ADGRA1: variants seen among roughly 807,000 people sequenced by gnomAD.
The protein encoded by ADGRA1 is adhesion G protein-coupled receptor A1.
Under a neutral mutation model 21.3 loss-of-function variants are expected in ADGRA1, and 12 were observed. The observed-to-expected ratio is 0.56, with a 90% CI of 0.36 to 0.91. The LOEUF is 0.91. Ranked by LOEUF, ADGRA1 falls within the 40% of genes least tolerant of loss-of-function variation. The pLI is 0.01. For synonymous variants in ADGRA1, 385 were observed against 368.8 expected (o/e 1.04, Z -0.50); for missense variants, 790 against 805.6 (o/e 0.98, Z 0.23).
chr10:133,110,188 G>A (rs1456987954), intron 5 of ADGRA1, among the ~76,000 whole-genome samples: 4 of 152,234 alleles, frequency 2.6e-5, no homozygotes, highest in East Asian at 3.8e-4. Flanking sequence ...GGATCCACAC[G>A]GAACCTGCTC....
intron 2 of ADGRA1, among the ~76,000 whole-genome samples, chr10:133,094,686 G>T: frequency 6.6e-6 from 1 of 152,148 alleles, no homozygotes; most frequent in South Asian, 2.1e-4. Flanking sequence ...CTTCTCTCGC[G>T]GATCTGGGTT....
In ADGRA1 at chr10:133,088,842, C is replaced by G. The variant is rs1265567195; in HGVS notation, c.-68C>G. The G allele has an allele frequency of 8.1e-7, 1 of 1,236,430 alleles. No individual in the cohort carries two copies. Among genetic ancestry groups the G allele is most frequent in the Non-Finnish European group, 1.0e-6 (1 of 988,022 alleles). 76.6% of individuals were successfully genotyped at this position (1,236,430 alleles called of 1,614,324 possible). A position where few individuals can be genotyped will look rare whatever the true frequency, so the allele number is the denominator to read the frequency against. On this transcript the variant is annotated 5_prime_UTR_variant, in exon 2 of 7. Coordinates refer to ENST00000392607, the MANE Select transcript of ADGRA1 (RefSeq NM_001083909.3). ...ATGGAGGCTGGCGGGGAGCAGGGCG[C>G]CACCTGATCGCCTCCCCCTGGACGC... is the stretch of plus-strand genomic sequence containing the variant.
At chr10:133,113,147 CGGTT>C in intron 5 of ADGRA1, among the ~76,000 whole-genome samples, 1 of 40,650 alleles carries the variant, frequency 2.5e-5, no homozygotes, top group Admixed American at 2.8e-4. Flanking sequence ...TGGGCCACGT[CGGTT>C]ATTTGAGGTC....
rs143503825 is a variant in ADGRA1, at chr10:133,115,038, G to T, written c.402-12195G>T. On this transcript the variant is annotated intron_variant, in intron 5 of 6. Coordinates refer to ENST00000392607, the MANE Select transcript of ADGRA1 (RefSeq NM_001083909.3). ...GAGTGCGACTGGTTGGTGGGGCAGC[G>T]CCACTGTCCTGGGGACGTGCTTCCA... Among the ~76,000 whole-genome samples, 1,513 of 152,292 alleles carry T rather than the reference G, an allele frequency of 9.9e-3. 15 individuals are homozygous for T. Among genetic ancestry groups the T allele is most frequent in the Non-Finnish European group, 0.016 (1,108 of 68,018 alleles).
At chr10:133,098,277 C>T (rs1173989724) in intron 3 of ADGRA1, among the ~76,000 whole-genome samples, 1 of 152,214 alleles carries the variant, frequency 6.6e-6, no homozygotes. Flanking sequence ...CTCAGAGGGA[C>T]ACCCCATGCT....
At chr10:133,121,025 G>A (rs1564852821) in intron 5 of ADGRA1, among the ~76,000 whole-genome samples, 1 of 152,156 alleles carries the variant, frequency 6.6e-6, no homozygotes, top group Non-Finnish European at 1.5e-5. Flanking sequence ...AGGGAGATGG[G>A]GAACAGCCAA....
intron 2 of ADGRA1, chr10:133,095,817 G>A (rs1851678670): frequency 6.3e-7 from 1 of 1,588,772 alleles, no homozygotes. Flanking sequence ...TCCTGCACAG[G>A]AGGGTCCCTC....
chr10:133,090,334 G>A lies in ADGRA1; in HGVS notation c.3+1422G>A, dbSNP rs540731355. 5.3e-5 allele frequency among the ~76,000 whole-genome samples: 8 copies of A among 152,260 alleles called. 1 individual carries two copies. The East Asian group carries it at 9.7e-4, about 18-fold the overall frequency. ...CCACCTCCTCGGCCCGGGGCCACCCGGTCCCAGCCGGCCTGGCAGCCCAGA... is the reference window on the plus strand; with the variant it reads ...CCACCTCCTCGGCCCGGGGCCACCCAGTCCCAGCCGGCCTGGCAGCCCAGA... On this transcript the variant is annotated intron_variant, in intron 2 of 6. Transcript: ENST00000392607.
At chr10:133,099,218 A>G (rs12571863) in intron 4 of ADGRA1, among the ~76,000 whole-genome samples, 2,293 of 63,036 alleles carry the variant, frequency 0.036, 7 homozygotes, top group African/African-American at 0.085. Flanking sequence ...GACACAGACC[A>G]CCCCTCCAGG....
Position 133,128,651 on chromosome 10 carries a change from C to G in ADGRA1, c.823C>G (p.Leu275Val), listed in dbSNP as rs1852435473. ...CACGGCCACGTGGGCCTTCGGGGCG[C>G]TGGCGGTGTCACAGGGCCACTTCCT... is the stretch of plus-strand genomic sequence containing the variant. ...LFTATWAFGA[L>V]AVSQGHFLDM... is the part of the protein sequence containing the mutation. Residue 275 changes from leucine to valine, a missense_variant, in exon 7 of 7, where the codon CTG becomes GTG. Leu to Val is a conservative substitution (Grantham distance 32). Around this residue, in one of 3 missense-constraint regions of ADGRA1, gnomAD observed 382 missense variants for 415.6 expected, o/e 0.92. Coordinates refer to ENST00000392607, the MANE Select transcript of ADGRA1 (RefSeq NM_001083909.3). 2 of 1,608,914 alleles carry G rather than the reference C, an allele frequency of 1.2e-6. No homozygotes were observed. The highest frequency in any genetic ancestry group is 2.7e-5 in the African/African-American group (2 of 74,884).
chr10:133,107,499 TCTCAG>T (rs1318493199), intron 5 of ADGRA1, among the ~76,000 whole-genome samples: 2 of 152,204 alleles, frequency 1.3e-5, no homozygotes, highest in African/African-American at 4.8e-5. Flanking sequence ...ATTTTATTTG[TCTCAG>T]CTCTGGTCTT....
At chr10:133,127,717 T>A (rs1320207642) in intron 6 of ADGRA1, among the ~76,000 whole-genome samples, 1 of 151,692 alleles carries the variant, frequency 6.6e-6, no homozygotes, top group Admixed American at 6.6e-5. Context: ...GGCCCTCAGT[T>A]CCTTCTGCGG....
At chr10:133,114,657 A>G (rs1259734439) in intron 5 of ADGRA1, among the ~76,000 whole-genome samples, 1 of 152,000 alleles carries the variant, frequency 6.6e-6, no homozygotes, top group Non-Finnish European at 1.5e-5. Context: ...GCAAATGGAC[A>G]TAAATAGCTC....
intron 5 of ADGRA1, among the ~76,000 whole-genome samples, chr10:133,117,326 G>A (rs1033528422): frequency 5.9e-5 from 9 of 152,142 alleles, no homozygotes; most frequent in Admixed American, 4.6e-4. Flanking sequence ...GCAGGCACGC[G>A]CCGAAAGCCT....
intron 5 of ADGRA1, 35 bp downstream of exon 5, chr10:133,102,877 C>G (rs368054754): frequency 1.3e-6 from 2 of 1,588,398 alleles, no homozygotes; most frequent in South Asian, 1.1e-5. Flanking sequence ...GCCCCGCCAC[C>G]TGGGCCCTGG....
At chr10:133,113,272 T>C (rs12260190) in intron 5 of ADGRA1, among the ~76,000 whole-genome samples, 87,085 of 145,730 alleles carry the variant, frequency 0.6, 26,848 homozygotes, top group African/African-American at 0.77. Flanking sequence ...TTGGGGTCTG[T>C]GGGCCGTGTT....
chr10:133,111,268 TCCCTCCTAATCCCACCA>T (rs1851996642), intron 5 of ADGRA1, among the ~76,000 whole-genome samples: 19 of 72,396 alleles, frequency 2.6e-4, no homozygotes, highest in Non-Finnish European at 3.3e-4. Flanking sequence ...CACAGGCACC[TCCCTCCTAATCCCACCA>T]GACAACCTGC....
intron 5 of ADGRA1, among the ~76,000 whole-genome samples, chr10:133,119,184 G>A (rs373611442): frequency 1.2e-4 from 19 of 152,230 alleles, no homozygotes; most frequent in Non-Finnish European, 2.2e-4. Context: ...AGTGCAAACC[G>A]AGACGGGCGT....
chr10:133,089,853 T>TA (rs1452000865), intron 2 of ADGRA1, among the ~76,000 whole-genome samples: 1 of 152,196 alleles, frequency 6.6e-6, no homozygotes, highest in Non-Finnish European at 1.5e-5. Flanking sequence ...TCTCCGCACT[T>TA]ACCTTTCAGA....
Sources: allele counts gnomAD v4.1 joint callset (sites outside exome capture counted in the v4.1 genomes callset), GRCh38; gene constraint gnomAD v4.1.1; regional missense constraint gnomAD v4.1.1; transcripts MANE v1.5; gene names NCBI Gene and HGNC (gene_info 2026-07-23, HGNC 2026-07-21).